CD99L2: variants seen among roughly 807,000 people sequenced by gnomAD.
The protein encoded by CD99L2 is CD99 antigen-like protein 2.
CD99L2 carries 24 observed loss-of-function variants against 27.3 expected under a neutral mutation model. The observed-to-expected ratio is 0.88, with a 90% CI of 0.64 to 1.24. The LOEUF (loss-of-function observed/expected upper bound fraction) is 1.24. CD99L2 is among the 50% of genes most tolerant of loss of function. CD99L2 has a pLI of 0.00. For synonymous variants in CD99L2, 97 were observed against 87.9 expected, an observed-to-expected ratio of 1.10 and a Z score of -0.58; for missense variants, 255 against 221.6, an observed-to-expected ratio of 1.15 and a Z score of -0.96.
intron 7 of CD99L2, 49 bp from the exon 8 acceptor site, chrX:150,777,531 C>T (rs368531481): frequency 8.4e-7 from 1 of 1,184,336 alleles, no homozygotes; most frequent in African/African-American, 1.8e-5. Context: ...CCAGCTCAGG[C>T]TCGAGCTCGG....
intron 2 of CD99L2, among the ~76,000 whole-genome samples, chrX:150,823,268 T>C (rs2046267221): frequency 9.0e-6 from 1 of 111,526 alleles, no homozygotes; most frequent in South Asian, 3.8e-4. Flanking sequence ...GGTTGGTTGG[T>C]TGGTTATTTA....
rs782201225 is a variant in CD99L2 at position 150,814,871 on chromosome X, C to T, written c.268G>A (p.Gly90Arg). The change falls in exon 4 of 11, where the codon GGA (glycine) becomes AGA (arginine). Residue 90 changes from glycine to arginine, a missense_variant. Transcript: ENST00000370377. ...ACCAGCAAAGACTTACCTCTTCCTC[C>T]TATACCCGGTTTCCTGCGGCCATCA... is the stretch of plus-strand genomic sequence containing the variant. ...QDDGRRKPGIGGRERWNHVTT... is the reference protein window; with the variant it reads ...QDDGRRKPGIRGRERWNHVTT... 6.6e-6 allele frequency: 8 copies of T among 1,209,335 alleles called. No individual in the cohort carries two copies. The South Asian group carries it at 8.8e-5, about 13-fold the overall frequency.
At position 150,816,198 on chromosome X, in the gene CD99L2, C is replaced by T. The variant is rs782417304; in HGVS notation, c.131-120G>A. The T allele has an allele frequency of 1.7e-5, 11 of 638,066 alleles. No individual in the cohort carries two copies. The Admixed American group carries it at 2.6e-4, about 15-fold the overall frequency. The allele number at this position is 638,066 out of a possible 1,213,427, so 52.6% of individuals were successfully genotyped here. On this transcript the variant is annotated intron_variant, in intron 2 of 10. Coordinates refer to ENST00000370377, the MANE Select transcript of CD99L2 (RefSeq NM_031462.4). Reference sequence around the variant, plus strand: ...TATCCTTGTCTTGGTCCTTGAGGCCCCTCTAGCTAGGAGCTCCAGAGAATC... The same window carrying T: ...TATCCTTGTCTTGGTCCTTGAGGCCTCTCTAGCTAGGAGCTCCAGAGAATC...
At chrX:150,880,863 T>G (rs782228961) in intron 1 of CD99L2, among the ~76,000 whole-genome samples, 1 of 111,808 alleles carries the variant, frequency 8.9e-6, no homozygotes, top group Non-Finnish European at 1.9e-5. Context: ...AAAAGAAGAT[T>G]GGGGCCTTCC....
intron 1 of CD99L2, among the ~76,000 whole-genome samples, chrX:150,857,122 A>G (rs1035663651): frequency 4.5e-5 from 5 of 111,942 alleles, no homozygotes; most frequent in South Asian, 3.7e-4. Flanking sequence ...TATATGGGAA[A>G]TCATAAAGTG....
At chrX:150,852,961 G>A (rs1557421647) in intron 1 of CD99L2, among the ~76,000 whole-genome samples, 1 of 111,726 alleles carries the variant, frequency 9.0e-6, no homozygotes. Flanking sequence ...CTATATGTAG[G>A]AGTGGAATGA....
chrX:150,885,138 T>C (rs1313921270), intron 1 of CD99L2, among the ~76,000 whole-genome samples: 2 of 110,978 alleles, frequency 1.8e-5, no homozygotes, highest in Non-Finnish European at 3.8e-5. Context: ...CAAAAGTCGG[T>C]AGTGTCTACC....
chrX:150,777,396 AT>A (rs1557419289), intron 8 of CD99L2, 47 bp downstream of exon 8: 1 of 1,204,258 alleles, frequency 8.3e-7, no homozygotes, highest in South Asian at 1.8e-5. Flanking sequence ...CCTGAGATTC[AT>A]TTTCCTTTCA....
chrX:150,875,177 A>C (rs1557422284), intron 1 of CD99L2, among the ~76,000 whole-genome samples: 2 of 112,041 alleles, frequency 1.8e-5, no homozygotes. Flanking sequence ...ATTTAATTGA[A>C]ATTTTTATTG....
chrX:150,866,626 T>C (rs781808056), intron 1 of CD99L2, among the ~76,000 whole-genome samples: 1 of 112,163 alleles, frequency 8.9e-6, no homozygotes, highest in Non-Finnish European at 1.9e-5. Flanking sequence ...AAAGATTAAG[T>C]TCTACTATTA....
intron 4 of CD99L2, among the ~76,000 whole-genome samples, chrX:150,807,481 G>A (rs2046012158): frequency 8.9e-6 from 1 of 112,334 alleles, no homozygotes; most frequent in African/African-American, 3.2e-5. Context: ...CTTCAGGCCA[G>A]TTGTGCTGCT....
At chrX:150,881,377 C>T (rs1422558002) in intron 1 of CD99L2, among the ~76,000 whole-genome samples, 1 of 111,996 alleles carries the variant, frequency 8.9e-6, no homozygotes, top group Non-Finnish European at 1.9e-5. Flanking sequence ...CCACCTGGCA[C>T]AGTCCCAGCT....
intron 7 of CD99L2, among the ~76,000 whole-genome samples, chrX:150,785,542 C>G (rs1308387944): frequency 9.0e-6 from 1 of 111,441 alleles, no homozygotes; most frequent in South Asian, 3.8e-4. Flanking sequence ...AAATCTTCCA[C>G]GTACCAGTGG....
chrX:150,769,680 C>T (rs782100502), intron 10 of CD99L2, among the ~76,000 whole-genome samples: 6 of 86,596 alleles, frequency 6.9e-5, no homozygotes, highest in Admixed American at 1.6e-4. Flanking sequence ...TCCCTGCCTG[C>T]GCCACCAGGC....
intron 4 of CD99L2, among the ~76,000 whole-genome samples, chrX:150,802,798 G>A (rs2045933615): frequency 9.7e-6 from 1 of 103,123 alleles, no homozygotes; most frequent in East Asian, 3.1e-4. Context: ...AGCCAGGATG[G>A]TGTCGATCTC....
chrX:150,778,688 ATATAT>A (rs1243983416), intron 7 of CD99L2, among the ~76,000 whole-genome samples: 3,241 of 17,922 alleles, frequency 0.18, 57 homozygotes, highest in Non-Finnish European at 0.43. Context: ...AAAAAAAAAT[ATATAT>A]ATATATATAT....
intron 2 of CD99L2, among the ~76,000 whole-genome samples, chrX:150,821,007 TA>T (rs1300704600): frequency 8.9e-6 from 1 of 112,035 alleles, no homozygotes; most frequent in Non-Finnish European, 1.9e-5. Context: ...AACACACTGT[TA>T]AAAAATTAAA....
intron 7 of CD99L2, among the ~76,000 whole-genome samples, chrX:150,778,629 C>A (rs994070179): frequency 3.9e-5 from 4 of 102,893 alleles, no homozygotes; most frequent in African/African-American, 1.4e-4. Context: ...CCCATTAACT[C>A]ATCATTTACA....
chrX:150,817,811 C>A (rs1242637815), intron 2 of CD99L2, among the ~76,000 whole-genome samples: 1 of 111,052 alleles, frequency 9.0e-6, no homozygotes. Context: ...TATGATCATG[C>A]CTGTGAATAG....
Sources: gnomAD v4.1 joint callset for allele counts (sites outside exome capture counted in the v4.1 genomes callset) on GRCh38, gnomAD v4.1.1 for gene constraint, MANE v1.5 for transcripts, NCBI Gene and HGNC (gene_info 2026-07-23, HGNC 2026-07-21) for gene names.